Variants in LMO7 observed in about 807,000 individuals in gnomAD.
LMO7 encodes LIM domain only protein 7.
A neutral mutation model predicts 206.5 loss-of-function variants in LMO7; 120 were observed. The observed-to-expected ratio is 0.58, with a 90% confidence interval of 0.50 to 0.68. The LOEUF (loss-of-function observed/expected upper bound fraction) is 0.68. LMO7 is among the 30% of genes least tolerant of loss of function. The pLI is 0.00. For synonymous variants in LMO7, 706 were observed against 681.5 expected (o/e 1.04, Z -0.56); for missense variants, 1,959 against 1,957.9 (o/e 1.00, Z -0.01).
At chr13:75,804,641 T>G in intron 8 of LMO7, 100 bp downstream of exon 8, 1 of 1,371,634 alleles carries the variant, frequency 7.3e-7, no homozygotes, top group Non-Finnish European at 9.9e-7. Context: ...GTTTCATAGA[T>G]CATATATTAA....
At chr13:75,673,958 GTAAATCAAACTAACTGAGGAATT>G (rs67466074) in intron 1 of LMO7, among the ~76,000 whole-genome samples, 15,972 of 152,132 alleles carry the variant, frequency 0.1, 1,010 homozygotes, top group Middle Eastern at 0.2. Flanking sequence ...GGACTCACTG[GTAAATCAAACTAACTGAGGAATT>G]TAAATCATAG....
intron 3 of LMO7, among the ~76,000 whole-genome samples, chr13:75,747,238 C>T (rs1405573201): frequency 6.6e-6 from 1 of 152,120 alleles, no homozygotes; most frequent in Admixed American, 6.6e-5. Flanking sequence ...ATCCATGGCA[C>T]CTCACTGATA....
chr13:75,758,003 A>C (rs1026683204), intron 3 of LMO7, among the ~76,000 whole-genome samples: 5 of 152,128 alleles, frequency 3.3e-5, no homozygotes, highest in Non-Finnish European at 2.9e-5. Context: ...TCTTTTGCAG[A>C]GAAAAATGAT....
intron 3 of LMO7, among the ~76,000 whole-genome samples, chr13:75,754,478 T>C (rs2047517397): frequency 6.6e-6 from 1 of 152,224 alleles, no homozygotes; most frequent in African/African-American, 2.4e-5. Context: ...ATGTACTTAT[T>C]TGGGAATCTT....
At chr13:75,685,530 G>T (rs2040896293) in intron 1 of LMO7, among the ~76,000 whole-genome samples, 1 of 152,204 alleles carries the variant, frequency 6.6e-6, no homozygotes, top group Non-Finnish European at 1.5e-5. Flanking sequence ...TCAACAGGGG[G>T]AAGCACTTGA....
intron 1 of LMO7, among the ~76,000 whole-genome samples, chr13:75,652,013 G>T (rs2037617198): frequency 6.6e-6 from 1 of 152,182 alleles, no homozygotes; most frequent in Non-Finnish European, 1.5e-5. Context: ...GAAGGAAGAA[G>T]AGATTGATAA....
chr13:75,758,192 C>G (rs1232821488), intron 3 of LMO7, among the ~76,000 whole-genome samples: 1 of 152,066 alleles, frequency 6.6e-6, no homozygotes, highest in African/African-American at 2.4e-5. Context: ...TTTATTTTCC[C>G]TTTTATTTTT....
chr13:75,804,345 G>C lies in LMO7; in HGVS notation c.718G>C (p.Asp240His). The change falls in exon 8 of 31, where the codon GAT becomes CAT. Residue 240 changes from aspartate (D) to histidine (H), a missense_variant. Coordinates refer to ENST00000377534, the MANE Select transcript of LMO7 (RefSeq NM_001306080.2). ...ATTTAAGATGCAGGATTATAATAAA[G>C]ATGATATGTCGTATCGAAGGATTTC... ...FTFKMQDYNK[D>H]DMSYRRISAV... 2 of 1,613,970 alleles carry C rather than the reference G, an allele frequency of 1.2e-6. No homozygotes were observed. Among genetic ancestry groups the C allele is most frequent in the Non-Finnish European group, 1.7e-6 (2 of 1,179,838 alleles).
At chr13:75,703,564 A>T (rs1318820031) in intron 1 of LMO7, among the ~76,000 whole-genome samples, 1 of 152,180 alleles carries the variant, frequency 6.6e-6, no homozygotes, top group Non-Finnish European at 1.5e-5. Flanking sequence ...TGCTACAAAG[A>T]TTCAGGCCCA....
Position 75,752,239 on chromosome 13 carries a change from T to A in LMO7, c.211-8693T>A, listed in dbSNP as rs970890896. On this transcript the variant is annotated intron_variant, in intron 3 of 30. Coordinates refer to ENST00000377534, the MANE Select transcript of LMO7 (RefSeq NM_001306080.2). Reference sequence around the variant, plus strand: ...CTCTGCCTCCCAAGTTCAGCAATTATCCTGCCTCAGCCTCCCAAGTAGCTG... The same window carrying A: ...CTCTGCCTCCCAAGTTCAGCAATTAACCTGCCTCAGCCTCCCAAGTAGCTG... 2.0e-4 allele frequency among the ~76,000 whole-genome samples: 30 copies of A among 152,134 alleles called. 1 individual carries two copies. The South Asian group carries it at 5.8e-3, about 30-fold the overall frequency.
chr13:75,778,798 T>G (rs1331003156), intron 4 of LMO7, among the ~76,000 whole-genome samples: 1 of 152,186 alleles, frequency 6.6e-6, no homozygotes, highest in Non-Finnish European at 1.5e-5. Flanking sequence ...TTAACTTTGG[T>G]ATATTGCTAG....
intron 12 of LMO7, 137 bp from the exon 13 acceptor site, chr13:75,819,256 G>A (rs1214151799): frequency 3.8e-6 from 4 of 1,043,196 alleles, no homozygotes; most frequent in Middle Eastern, 2.8e-4. Flanking sequence ...GCTATAAAAA[G>A]CAAAATTAGG....
At position 75,807,686 on chromosome 13, in the gene LMO7, C is replaced by T; in HGVS notation, c.1403C>T (p.Thr468Ile). 1 of 1,613,990 alleles carries T rather than the reference C, an allele frequency of 6.2e-7. No individual in the cohort carries two copies. Among genetic ancestry groups the T allele is most frequent in the Non-Finnish European group, 8.5e-7 (1 of 1,179,886 alleles). Residue 468 changes from threonine to isoleucine, a missense_variant, in exon 10 of 31, where the codon ACT becomes ATT. By Grantham distance (89) the Thr-to-Ile change is moderately conservative. Transcript: ENST00000377534. ...AATGATGATTTCTTTGTCAGAAAGACTGGGGCTTTCCATGCAAATCCATAT... is the reference window on the plus strand; with the variant it reads ...AATGATGATTTCTTTGTCAGAAAGATTGGGGCTTTCCATGCAAATCCATAT... Reference protein sequence around the residue: ...LENDDFFVRKTGAFHANPYVL... With the variant: ...LENDDFFVRKIGAFHANPYVL...
chr13:75,687,447 A>G (rs2041109406), intron 1 of LMO7, among the ~76,000 whole-genome samples: 1 of 152,158 alleles, frequency 6.6e-6, no homozygotes, highest in Non-Finnish European at 1.5e-5. Context: ...GACAGACTGA[A>G]GGGAGCTTTG....
At chr13:75,735,497 CTG>C (rs1411861240) in intron 3 of LMO7, among the ~76,000 whole-genome samples, 1 of 152,138 alleles carries the variant, frequency 6.6e-6, no homozygotes. Context: ...GAGTCTCACT[CTG>C]TCGCTGGGCT....
intron 4 of LMO7, among the ~76,000 whole-genome samples, chr13:75,791,128 G>T (rs963325269): frequency 6.6e-6 from 1 of 151,956 alleles, no homozygotes; most frequent in Admixed American, 6.5e-5. Context: ...GATTCTTTGG[G>T]CTCTGTCTTT....
At chr13:75,652,329 G>C (rs937292430) in intron 1 of LMO7, among the ~76,000 whole-genome samples, 6 of 152,092 alleles carry the variant, frequency 3.9e-5, no homozygotes, top group African/African-American at 1.4e-4. Context: ...CATAGGACCT[G>C]TTGCCCCTAG....
intron 3 of LMO7, among the ~76,000 whole-genome samples, chr13:75,749,626 C>T (rs1466669007): frequency 3.9e-5 from 6 of 152,280 alleles, no homozygotes; most frequent in Admixed American, 2.0e-4. Context: ...AGCTCTGCCT[C>T]GTTGGTTTGG....
chr13:75,740,578 C>CT (rs367821577), intron 3 of LMO7, among the ~76,000 whole-genome samples: 48 of 152,296 alleles, frequency 3.2e-4, no homozygotes, highest in African/African-American at 1.1e-3. Flanking sequence ...TCATTAGTGT[C>CT]TGTTTTCTCT....
Sources: gnomAD v4.1 joint callset for allele counts (sites outside exome capture counted in the v4.1 genomes callset) on GRCh38, gnomAD v4.1.1 for gene constraint, MANE v1.5 for transcripts, NCBI Gene and HGNC (gene_info 2026-07-23, HGNC 2026-07-21) for gene names.